The following CDC25C variants were observed in gnomAD, a reference collection of about 807,000 sequenced individuals.
The protein encoded by CDC25C is cell division cycle 25C.
CDC25C carries 48 observed loss-of-function variants against 52.5 expected under a neutral mutation model. The ratio of observed to expected loss-of-function variants is 0.91; its 90% confidence interval spans 0.72 to 1.16. The LOEUF (loss-of-function observed/expected upper bound fraction) is 1.16, where lower values mean the gene tolerates loss of function less well. Ranked by LOEUF, CDC25C falls within the 50% of genes most tolerant of loss-of-function variation. The pLI, the probability that CDC25C is intolerant of heterozygous loss-of-function variation, is 0.00. For missense variants in CDC25C, 510 were observed against 566.1 expected, an observed-to-expected ratio of 0.90 and a Z score of 1.01; for synonymous variants, 187 against 206.5, an observed-to-expected ratio of 0.91 and a Z score of 0.81.
At chr5:138,306,420 A>G (rs922803322) in intron 7 of CDC25C, among the ~76,000 whole-genome samples, 4 of 152,080 alleles carry the variant, frequency 2.6e-5, no homozygotes, top group Non-Finnish European at 4.4e-5. Flanking sequence ...GGTTACGACA[A>G]TCTCCAAGGA....
At chr5:138,337,545 G>C (rs979465057) in intron 1 of CDC25C, 4 of 205,316 alleles carry the variant, frequency 1.9e-5, no homozygotes, top group South Asian at 5.9e-5. Context: ...ATCCTGCTGG[G>C]GGGGAGGGGG....
In CDC25C at chr5:138,328,506, G is replaced by T. The variant is rs375104363; in HGVS notation, c.313C>A (p.Gln105Lys). ...TACATCCCAGCTAAATGCACTTCCT[G>T]AAGTCCTGAAGAATCCAGGTGACCT... ...ETGHLDSSGL[Q>K]EVHLAGMNHD... is the part of the protein sequence containing the mutation. The change falls in exon 4 of 14, where the codon CAG becomes AAG. Residue 105 changes from glutamine (Q) to lysine (K), a missense_variant. Physicochemically the swap from Gln to Lys is moderately conservative, Grantham distance 53 (BLOSUM62 1). Transcript: ENST00000323760. 4 of 1,613,786 alleles carry T rather than the reference G, an allele frequency of 2.5e-6. No individual in the cohort carries two copies. The highest frequency in any genetic ancestry group is 3.4e-6 in the Non-Finnish European group (4 of 1,179,826).
intron 7 of CDC25C, among the ~76,000 whole-genome samples, chr5:138,296,657 A>G (rs112379863): frequency 0.15 from 21,657 of 149,332 alleles, 1,827 homozygotes; most frequent in South Asian, 0.23. Context: ...CCAGGCCGGA[A>G]TGCAGTGGCG....
chr5:138,290,785 A>G, intron 8 of CDC25C, 45 bp from the exon 9 acceptor site: 1 of 1,214,966 alleles, frequency 8.2e-7, no homozygotes, highest in East Asian at 2.3e-5. Flanking sequence ...CCTCATGTTA[A>G]AGGTTTAAAA....
At chr5:138,324,912 C>G (rs1006521878) in intron 6 of CDC25C, among the ~76,000 whole-genome samples, 1 of 151,624 alleles carries the variant, frequency 6.6e-6, no homozygotes, top group African/African-American at 2.4e-5. Context: ...CTACTAAAAA[C>G]ACAAAAATTA....
chr5:138,292,303 C>A (rs1756799728), intron 7 of CDC25C, among the ~76,000 whole-genome samples, 187 bp from the exon 8 acceptor site: 1 of 151,950 alleles, frequency 6.6e-6, no homozygotes, highest in African/African-American at 2.4e-5. Flanking sequence ...TTTGAGAAGC[C>A]TTGGGTAGGC....
At chr5:138,336,496 C>A (rs1760713336), upstream of CDC25C, among the ~76,000 whole-genome samples, 1 of 152,042 alleles carries the variant, frequency 6.6e-6, no homozygotes, top group South Asian at 2.1e-4. Flanking sequence ...CTACCCTGGG[C>A]AACATAGCAA....
chr5:138,313,309 G>GT (rs1346917572), intron 7 of CDC25C, among the ~76,000 whole-genome samples: 1 of 151,046 alleles, frequency 6.6e-6, no homozygotes, highest in Non-Finnish European at 1.5e-5. Context: ...AACCCAGGAG[G>GT]TGGAGGTGCA....
chr5:138,329,417 T>C lies in CDC25C; in HGVS notation c.289+136A>G, dbSNP rs1760154432. On this transcript the variant is annotated intron_variant, in intron 3 of 13. Transcript: ENST00000323760. ...GGCTTAATCATTCTCAAAAATCCTCTAGTTACCCACAAAATTCCATCTCTC... is the reference window on the plus strand; with the variant it reads ...GGCTTAATCATTCTCAAAAATCCTCCAGTTACCCACAAAATTCCATCTCTC... 3 of 617,534 alleles carry C rather than the reference T, an allele frequency of 4.9e-6. No individual in the cohort carries two copies. In the South Asian group the frequency reaches 6.4e-5, roughly 13 times the overall value. The allele number at this position is 617,534 out of a possible 1,614,324, so 38.3% of individuals were successfully genotyped here. A position where few individuals can be genotyped will look rare whatever the true frequency, so the allele number is the denominator to read the frequency against.
chr5:138,326,324 A>G (rs1477485267), intron 4 of CDC25C, among the ~76,000 whole-genome samples: 1 of 151,964 alleles, frequency 6.6e-6, no homozygotes, highest in Non-Finnish European at 1.5e-5. Flanking sequence ...ACAATTTACT[A>G]ATTTTCCAGC....
chr5:138,301,258 T>A (rs1162101296), intron 7 of CDC25C, among the ~76,000 whole-genome samples: 1 of 152,156 alleles, frequency 6.6e-6, no homozygotes, highest in African/African-American at 2.4e-5. Flanking sequence ...ATATCAGGAA[T>A]GAGAGACATC....
intron 7 of CDC25C, among the ~76,000 whole-genome samples, chr5:138,314,961 T>C: frequency 8.4e-6 from 1 of 118,362 alleles, no homozygotes; most frequent in African/African-American, 3.3e-5. Flanking sequence ...AGAGTCTCAC[T>C]CTGTTGCCCA....
upstream of CDC25C, chr5:138,333,572 A>T (rs1374543087): frequency 1.3e-5 from 2 of 152,210 alleles, no homozygotes; most frequent in African/African-American, 4.8e-5. Context: ...GTGTGGGATG[A>T]GTTGTTATCT....
At chr5:138,312,333 G>A (rs1054596929) in intron 7 of CDC25C, among the ~76,000 whole-genome samples, 16 of 152,166 alleles carry the variant, frequency 1.1e-4, no homozygotes, top group African/African-American at 3.9e-4. Context: ...TCACATCACT[G>A]CACTGCAGCC....
chr5:138,330,028 G>A (rs1396814507), intron 2 of CDC25C, among the ~76,000 whole-genome samples: 3 of 152,064 alleles, frequency 2.0e-5, no homozygotes. Flanking sequence ...ACAACGCCTG[G>A]CCAAGCCTGT....
At chr5:138,298,161 GC>G (rs1369351384) in intron 7 of CDC25C, among the ~76,000 whole-genome samples, 3 of 95,282 alleles carry the variant, frequency 3.1e-5, no homozygotes, top group African/African-American at 1.2e-4. Flanking sequence ...ACCACACCTT[GC>G]ATTTTTTTTT....
chr5:138,313,001 TAG>T (rs1367396948), intron 7 of CDC25C, among the ~76,000 whole-genome samples: 2 of 151,440 alleles, frequency 1.3e-5, no homozygotes, highest in Non-Finnish European at 2.9e-5. Context: ...AGCAAACTCA[TAG>T]AGGGCAGAAA....
Position 138,338,294 on chromosome 5 carries a change from C to T in CDC25C, c.-326G>A, listed in dbSNP as rs889604237. On this transcript the variant is annotated 5_prime_UTR_variant, in exon 1 of 6. Coordinates refer to the CDC25C transcript ENST00000510119. ...GCTGCTCCGGCCGCGGCCCTGGGAG[C>T]TGGAGGAACCGCGGTAGGTGGTGGA... 74 of 679,702 alleles carry T rather than the reference C, an allele frequency of 1.1e-4. 1 individual carries two copies. Among genetic ancestry groups the T allele is most frequent in the African/African-American group, 5.0e-4 (27 of 53,902 alleles). The allele number at this position is 679,702 out of a possible 1,614,324, so 42.1% of individuals were successfully genotyped here. A position where few individuals can be genotyped will look rare whatever the true frequency, so the allele number is the denominator to read the frequency against.
chr5:138,306,602 A>T (rs1321691603), intron 7 of CDC25C, among the ~76,000 whole-genome samples: 2 of 151,858 alleles, frequency 1.3e-5, no homozygotes, highest in Non-Finnish European at 2.9e-5. Flanking sequence ...CAGCCTCCCA[A>T]GTAGCTGAGA....
Sources: allele counts gnomAD v4.1 joint callset (sites outside exome capture counted in the v4.1 genomes callset), GRCh38; gene constraint gnomAD v4.1.1; transcripts MANE v1.5; gene names NCBI Gene and HGNC (gene_info 2026-07-23, HGNC 2026-07-21).